The following CDC42BPA variants were observed in gnomAD, a reference collection of about 807,000 sequenced individuals.
The protein encoded by CDC42BPA is serine/threonine-protein kinase MRCK alpha.
CDC42BPA carries 80 observed loss-of-function variants against 223.5 expected under a neutral mutation model. That is an observed-to-expected ratio of 0.36 (90% confidence interval 0.30 to 0.43). The LOEUF (loss-of-function observed/expected upper bound fraction) is 0.43. Among genes scored for constraint, CDC42BPA ranks in the 20% least tolerant of loss-of-function variants. The probability of loss-of-function intolerance (pLI) is 1.00; values close to 1 mark genes in which losing one functional copy is unlikely to be tolerated. For synonymous variants in CDC42BPA, 694 were observed against 718.6 expected (o/e 0.97, Z 0.55); for missense variants, 1,743 against 2,099.9 (o/e 0.83, Z 3.32).
intron 1 of CDC42BPA, among the ~76,000 whole-genome samples, chr1:227,294,859 CAAAAAAAAAAAAA>C (rs397983087): frequency 3.9e-4 from 5 of 12,818 alleles, no homozygotes; most frequent in South Asian, 9.3e-3. Flanking sequence ...GACTCCGTCT[CAAAAAAAAAAAAA>C]AAAAAAAAAA....
At chr1:227,101,331 A>ATT in intron 14 of CDC42BPA, 92 bp from the exon 15 acceptor site, 2 of 739,080 alleles carry the variant, frequency 2.7e-6, no homozygotes, top group Non-Finnish European at 4.1e-6. Context: ...GTATTCATAT[A>ATT]ACTGCATTTT....
intron 32 of CDC42BPA, among the ~76,000 whole-genome samples, chr1:227,022,005 C>T (rs571112643): frequency 5.1e-4 from 75 of 147,932 alleles, no homozygotes; most frequent in African/African-American, 1.6e-3. Flanking sequence ...CGCAACAGAG[C>T]GAGACTCCGT....
At chr1:227,048,053 T>G (rs377490606) in intron 22 of CDC42BPA, 43 bp from the exon 23 acceptor site, 1 of 1,150,072 alleles carries the variant, frequency 8.7e-7, no homozygotes, top group African/African-American at 1.5e-5. Context: ...CATGAAACAC[T>G]CCATTAATTT....
chr1:227,103,233 T>C (rs1226406254), intron 14 of CDC42BPA, among the ~76,000 whole-genome samples: 6 of 151,990 alleles, frequency 3.9e-5, no homozygotes, highest in Admixed American at 3.9e-4. Context: ...ACCCAGAAAA[T>C]ACAAATAAAT....
At chr1:227,036,785 G>T (rs1670361073) in intron 24 of CDC42BPA, among the ~76,000 whole-genome samples, 1 of 152,106 alleles carries the variant, frequency 6.6e-6, no homozygotes, top group Non-Finnish European at 1.5e-5. Flanking sequence ...TTACTTACAA[G>T]CAAAGGGCAG....
At chr1:227,309,709 AT>A (rs994651370) in intron 1 of CDC42BPA, among the ~76,000 whole-genome samples, 27 of 152,198 alleles carry the variant, frequency 1.8e-4, no homozygotes, top group African/African-American at 6.3e-4. Flanking sequence ...TAAAGTGACA[AT>A]TTCTGTATTT....
intron 21 of CDC42BPA, among the ~76,000 whole-genome samples, chr1:227,062,178 CCAAG>C (rs1302591929): frequency 1.3e-5 from 2 of 152,102 alleles, no homozygotes; most frequent in Non-Finnish European, 2.9e-5. Context: ...TTTTTGTTTG[CCAAG>C]CAAGGGACAA....
chr1:227,202,947 A>AT (rs761851892), intron 3 of CDC42BPA, among the ~76,000 whole-genome samples: 94 of 152,206 alleles, frequency 6.2e-4, no homozygotes, highest in Non-Finnish European at 1.1e-3. Context: ...ATTAATTAAA[A>AT]TAAGAAAATA....
At chr1:227,048,073 C>G in intron 22 of CDC42BPA, 63 bp from the exon 23 acceptor site, 1 of 983,616 alleles carries the variant, frequency 1.0e-6, no homozygotes, top group South Asian at 1.7e-5. Flanking sequence ...TCAAATATAA[C>G]TAGAAAGAAG....
At chr1:227,158,429 G>A (rs1663227040) in intron 6 of CDC42BPA, among the ~76,000 whole-genome samples, 2 of 151,914 alleles carry the variant, frequency 1.3e-5, no homozygotes, top group South Asian at 4.2e-4. Flanking sequence ...GTTATAGAGA[G>A]TATTGATTCT....
chr1:227,035,066 C>T (rs1669976022), intron 25 of CDC42BPA, among the ~76,000 whole-genome samples: 1 of 152,128 alleles, frequency 6.6e-6, no homozygotes, highest in Admixed American at 6.5e-5. Context: ...TAAAATAACA[C>T]TCATGGGTTT....
At chr1:227,080,799 G>T in intron 17 of CDC42BPA, 94 bp downstream of exon 17, 1 of 1,367,704 alleles carries the variant, frequency 7.3e-7, no homozygotes, top group Non-Finnish European at 1.0e-6. Flanking sequence ...TGACAAATGA[G>T]ATAAAAACCA....
rs1182126422 is a variant in CDC42BPA, at chr1:227,317,607, C to A, written c.-425G>T. On this transcript the variant is annotated 5_prime_UTR_variant, in exon 1 of 37. Transcript: ENST00000366766. ...CGGTTGCATCATTAATGAATAAAGT[C>A]CGATTTGCATCAGCAATTCACTTCC... 1.3e-5 allele frequency: 5 copies of A among 397,860 alleles called. No homozygotes were observed. The highest frequency in any genetic ancestry group is 2.2e-5 in the Non-Finnish European group (5 of 226,044). 24.6% of individuals were successfully genotyped at this position (397,860 alleles called of 1,614,324 possible).
chr1:227,273,462 G>C (rs1336072325), intron 1 of CDC42BPA, among the ~76,000 whole-genome samples: 1 of 151,942 alleles, frequency 6.6e-6, no homozygotes, highest in African/African-American at 2.4e-5. Flanking sequence ...AGACACTCAG[G>C]AGGCTGAGGC....
At chr1:227,189,915 A>G (rs1342564170) in intron 5 of CDC42BPA, among the ~76,000 whole-genome samples, 2 of 152,164 alleles carry the variant, frequency 1.3e-5, no homozygotes, top group African/African-American at 2.4e-5. Context: ...AATTTGATAA[A>G]TTTCATAAAA....
chr1:227,111,940 C>G (rs959257753), intron 14 of CDC42BPA: 16 of 163,250 alleles, frequency 9.8e-5, no homozygotes, highest in Non-Finnish European at 1.8e-4. Flanking sequence ...TCATCTTATC[C>G]TAACAGACAC....
chr1:227,292,052 G>A (rs753212597), intron 1 of CDC42BPA, among the ~76,000 whole-genome samples: 8 of 151,774 alleles, frequency 5.3e-5, no homozygotes, highest in African/African-American at 1.5e-4. Context: ...GTGCGATCTC[G>A]GCTCATTTCA....
At chr1:227,112,579 A>C in intron 13 of CDC42BPA, 92 bp downstream of exon 13, 2 of 1,064,906 alleles carry the variant, frequency 1.9e-6, no homozygotes, top group Non-Finnish European at 2.5e-6. Context: ...AACTTTAGAA[A>C]TATTTTAAAA....
intron 3 of CDC42BPA, among the ~76,000 whole-genome samples, chr1:227,209,616 A>C (rs546009990): frequency 0.021 from 3,118 of 146,240 alleles, 65 homozygotes; most frequent in African/African-American, 0.074. Context: ...TGAGATAATC[A>C]TGTGGTTTTT....
Sources: gnomAD v4.1 joint callset for allele counts (sites outside exome capture counted in the v4.1 genomes callset) on GRCh38, gnomAD v4.1.1 for gene constraint, MANE v1.5 for transcripts, NCBI Gene and HGNC (gene_info 2026-07-23, HGNC 2026-07-21) for gene names.